OSBPL8: variants seen among roughly 807,000 people sequenced by gnomAD.
The protein encoded by OSBPL8 is oxysterol-binding protein-related protein 8.
In OSBPL8, 59 loss-of-function variants were observed where a neutral mutation model predicts 125.5. The ratio of observed to expected loss-of-function variants is 0.47; its 90% confidence interval spans 0.38 to 0.58. OSBPL8 has a LOEUF of 0.58. Ranked by LOEUF, OSBPL8 falls within the 20% of genes least tolerant of loss-of-function variation. OSBPL8 has a pLI of 0.00. For missense variants in OSBPL8, 758 were observed against 1,047.8 expected, an observed-to-expected ratio of 0.72 and a Z score of 3.82; for synonymous variants, 330 against 338.9, an observed-to-expected ratio of 0.97 and a Z score of 0.29.
chr12:76,470,701 C>G (rs117791679), intron 2 of OSBPL8, among the ~76,000 whole-genome samples: 1 of 152,228 alleles, frequency 6.6e-6, no homozygotes, highest in Non-Finnish European at 1.5e-5. Context: ...TCACACTGCA[C>G]AGCATCAAGC....
chr12:76,428,298 T>C (rs1035469796), intron 4 of OSBPL8, among the ~76,000 whole-genome samples: 1 of 151,974 alleles, frequency 6.6e-6, no homozygotes, highest in Non-Finnish European at 1.5e-5. Context: ...TACATTTCTT[T>C]CTATTGAGAT....
At chr12:76,558,350 A>C (rs1279300644) in intron 1 of OSBPL8, among the ~76,000 whole-genome samples, 2 of 152,178 alleles carry the variant, frequency 1.3e-5, no homozygotes, top group Non-Finnish European at 2.9e-5. Flanking sequence ...AAAATTTAAC[A>C]ATCAATTCAC....
intron 1 of OSBPL8, among the ~76,000 whole-genome samples, chr12:76,526,568 T>C (rs1268582177): frequency 6.7e-6 from 1 of 149,692 alleles, no homozygotes; most frequent in Non-Finnish European, 1.5e-5. Context: ...TTTTCTAATA[T>C]ATAATATATA....
chr12:76,484,474 CT>C (rs1877909818), intron 2 of OSBPL8, among the ~76,000 whole-genome samples: 1 of 152,110 alleles, frequency 6.6e-6, no homozygotes, highest in South Asian at 2.1e-4. Flanking sequence ...AAAATAGTTG[CT>C]TTTATTTAAT....
Position 76,476,456 on chromosome 12 carries a change from A to G in OSBPL8, c.42+11054T>C, listed in dbSNP as rs139531478. 2.0e-3 allele frequency among the ~76,000 whole-genome samples: 306 copies of G among 152,298 alleles called. 1 individual carries two copies. Among genetic ancestry groups the G allele is most frequent in the African/African-American group, 7.0e-3 (292 of 41,576 alleles). On this transcript the variant is annotated intron_variant, in intron 2 of 23. Coordinates refer to ENST00000261183, the MANE Select transcript of OSBPL8 (RefSeq NM_020841.5). ...AAAACTGAAGCATGAACAAGCAAAT[A>G]TTTTTAAAGCCGATAATACTGGGTA...
chr12:76,398,569 A>G (rs1953918975), intron 7 of OSBPL8, among the ~76,000 whole-genome samples: 1 of 152,222 alleles, frequency 6.6e-6, no homozygotes, highest in Non-Finnish European at 1.5e-5. Flanking sequence ...ATAAATTTCT[A>G]TTTCCATCAT....
chr12:76,402,358 G>C (rs1243278665), intron 6 of OSBPL8, among the ~76,000 whole-genome samples: 1 of 152,080 alleles, frequency 6.6e-6, no homozygotes, highest in Non-Finnish European at 1.5e-5. Flanking sequence ...AATTTCAATG[G>C]GTGCCAGAGT....
chr12:76,393,104 AAACT>A (rs1247447671), intron 9 of OSBPL8, among the ~76,000 whole-genome samples: 2 of 152,208 alleles, frequency 1.3e-5, no homozygotes, highest in African/African-American at 2.4e-5. Context: ...TACTACAAAC[AAACT>A]ATCTGAAGTA....
chr12:76,407,822 A>T (rs1954335424), intron 5 of OSBPL8, among the ~76,000 whole-genome samples: 1 of 152,108 alleles, frequency 6.6e-6, no homozygotes, highest in African/African-American at 2.4e-5. Context: ...GGGAGGTAAG[A>T]TCTTACCTCC....
intron 3 of OSBPL8, among the ~76,000 whole-genome samples, chr12:76,452,211 T>C (rs1050823663): frequency 1.3e-5 from 2 of 152,216 alleles, no homozygotes; most frequent in Non-Finnish European, 2.9e-5. Flanking sequence ...TCATGTCCTT[T>C]AAATCTAATT....
rs1012205496 is a variant in OSBPL8, at chr12:76,354,594, A to G, written c.*1295T>C. 1.3e-5 allele frequency: 2 copies of G among 152,010 alleles called. No individual in the cohort carries two copies. Among genetic ancestry groups the G allele is most frequent in the Non-Finnish European group, 2.9e-5 (2 of 67,874 alleles). The allele number at this position is 152,010 out of a possible 1,614,324, so 9.4% of individuals were successfully genotyped here. Reference sequence around the variant, plus strand: ...ATTCTAAGACATATTTTAGAACAACATATTCCTAAACTGAACTACCTTGGC... The same window carrying G: ...ATTCTAAGACATATTTTAGAACAACGTATTCCTAAACTGAACTACCTTGGC... On this transcript the variant is annotated 3_prime_UTR_variant, in exon 24 of 24. Transcript: ENST00000261183.
intron 2 of OSBPL8, among the ~76,000 whole-genome samples, chr12:76,486,780 C>G (rs144865592): frequency 6.6e-6 from 1 of 152,072 alleles, no homozygotes; most frequent in Non-Finnish European, 1.5e-5. Flanking sequence ...TTAACTGTTT[C>G]ATTCCCACTA....
At chr12:76,409,659 C>G (rs1954429150) in intron 5 of OSBPL8, among the ~76,000 whole-genome samples, 1 of 152,100 alleles carries the variant, frequency 6.6e-6, no homozygotes, top group Non-Finnish European at 1.5e-5. Flanking sequence ...TTTTAAACTT[C>G]TAGCCTAAGT....
intron 5 of OSBPL8, among the ~76,000 whole-genome samples, chr12:76,409,090 A>G (rs1954399957): frequency 1.3e-5 from 2 of 152,202 alleles, no homozygotes; most frequent in South Asian, 4.1e-4. Flanking sequence ...CAGATCATGT[A>G]AAATGATTGA....
intron 2 of OSBPL8, among the ~76,000 whole-genome samples, chr12:76,474,338 T>G (rs1455829451): frequency 6.6e-6 from 1 of 152,168 alleles, no homozygotes; most frequent in Non-Finnish European, 1.5e-5. Flanking sequence ...AGAAGTCAAC[T>G]TAAGTTTAAT....
At chr12:76,362,499 T>C (rs2136149970) in intron 21 of OSBPL8, among the ~76,000 whole-genome samples, 1 of 152,226 alleles carries the variant, frequency 6.6e-6, no homozygotes, top group African/African-American at 2.4e-5. Context: ...TGCTAAAAAC[T>C]CTCAATAAAG....
rs868815651 is a variant in OSBPL8, at chr12:76,408,998, T to A, written c.288+1566A>T. On this transcript the variant is annotated intron_variant, in intron 5 of 23. Coordinates refer to ENST00000261183, the MANE Select transcript of OSBPL8 (RefSeq NM_020841.5). ...AATTGCTTGAAAATAGATCTTTTTT[T>A]TAAAAAAAAAACTATAAATCTCATT... Among the ~76,000 whole-genome samples, 545 of 151,494 alleles carry A rather than the reference T, an allele frequency of 3.6e-3. 5 individuals are homozygous for A. Among genetic ancestry groups the A allele is most frequent in the African/African-American group, 0.012 (493 of 41,198 alleles).
chr12:76,550,523 A>G (rs1453648791), intron 1 of OSBPL8, among the ~76,000 whole-genome samples: 4 of 152,200 alleles, frequency 2.6e-5, no homozygotes, highest in African/African-American at 7.2e-5. Context: ...CCTGGACCAC[A>G]CTGGAAGAGA....
Position 76,389,805 on chromosome 12 carries a change from T to C in OSBPL8, c.1192A>G (p.Thr398Ala). 1 of 1,540,092 alleles carries C rather than the reference T, an allele frequency of 6.5e-7. No homozygotes were observed. Among genetic ancestry groups the C allele is most frequent in the Non-Finnish European group, 8.8e-7 (1 of 1,141,482 alleles). ...AGGCTTTTGTTTTCTTCAGATACAG[T>C]TTCTGTTTGAGAAGCCTCACCTGCC... Reference protein sequence around the residue: ...GEAGEASQTETVSEENKSLIW... With the variant: ...GEAGEASQTEAVSEENKSLIW... The change falls in exon 12 of 24, where the codon ACT becomes GCT. Residue 398 changes from threonine to alanine, a missense_variant. Around this residue, in one of 3 missense-constraint regions of OSBPL8, gnomAD observed 572 missense variants for 762.0 expected, o/e 0.75. Coordinates refer to ENST00000261183, the MANE Select transcript of OSBPL8 (RefSeq NM_020841.5).
Sources: gnomAD v4.1 joint callset for allele counts (sites outside exome capture counted in the v4.1 genomes callset) on GRCh38, gnomAD v4.1.1 for gene constraint, gnomAD v4.1.1 regional missense constraint, MANE v1.5 for transcripts, NCBI Gene and HGNC (gene_info 2026-07-23, HGNC 2026-07-21) for gene names.